NEAT1: variants seen among roughly 807,000 people sequenced by gnomAD.
NEAT1 encodes the protein nuclear paraspeckle assembly transcript 1.
Position 65,444,108 on chromosome 11 carries a change from G to A in NEAT1, n.21311G>A, listed in dbSNP as rs3741383. 151 of 225,536 alleles carry A rather than the reference G, an allele frequency of 6.7e-4. 2 individuals carry two copies. The East Asian group carries it at 0.024, about 35-fold the overall frequency. 14.0% of individuals were successfully genotyped at this position (225,536 alleles called of 1,614,324 possible). A position where few individuals can be genotyped will look rare whatever the true frequency, so the allele number is the denominator to read the frequency against. On this transcript the variant is annotated non_coding_transcript_exon_variant, in exon 1 of 1. Coordinates refer to ENST00000501122, the Ensembl canonical transcript of NEAT1. ...TGTGTTTGGAGGCTGAAGTTGAAGC[G>A]AGGCTGTGAGGGGAGATGGACGTGT...
At chr11:65,440,987 G>C (rs1304745258) in exon 1 of NEAT1, 1 of 151,830 alleles carries the variant, frequency 6.6e-6, no homozygotes, top group Non-Finnish European at 1.5e-5. Flanking sequence ...CATGAGTGTG[G>C]CTTTGAGCCC....
At chr11:65,436,247 A>G (rs1856657166) in exon 1 of NEAT1, 1 of 152,166 alleles carries the variant, frequency 6.6e-6, no homozygotes, top group African/African-American at 2.4e-5. Context: ...GAAATACCTG[A>G]GTTCCTCTGG....
exon 1 of NEAT1, chr11:65,444,074 G>A (rs866622731): frequency 3.5e-5 from 7 of 201,282 alleles, no homozygotes; most frequent in South Asian, 1.2e-4. Context: ...GTAAGTGCCC[G>A]CACCATAGTG....
chr11:65,430,801 T>C (rs1411442454), exon 1 of NEAT1: 3 of 152,170 alleles, frequency 2.0e-5, no homozygotes, highest in Non-Finnish European at 4.4e-5. Flanking sequence ...ACACTTCCTG[T>C]TGTGAGTATA....
exon 1 of NEAT1, chr11:65,444,107 C>T (rs1266373976): frequency 1.8e-5 from 4 of 225,346 alleles, no homozygotes; most frequent in Non-Finnish European, 3.6e-5. Context: ...GAAGTTGAAG[C>T]GAGGCTGTGA....
At chr11:65,427,056 C>G (rs902096374) in exon 1 of NEAT1, 4 of 152,070 alleles carry the variant, frequency 2.6e-5, no homozygotes, top group African/African-American at 7.3e-5. Context: ...GTCTGGGCTT[C>G]CCTGTGTGCG....
At chr11:65,423,732 C>T (rs1408665835) in exon 1 of NEAT1, 1 of 152,258 alleles carries the variant, frequency 6.6e-6, no homozygotes, top group African/African-American at 2.4e-5. Context: ...TCACTTAAAA[C>T]ATTACCTGGT....
exon 1 of NEAT1, chr11:65,434,422 A>G (rs572653670): frequency 6.6e-6 from 1 of 152,136 alleles, no homozygotes; most frequent in African/African-American, 2.4e-5. Context: ...TTTCTATAGA[A>G]GTGGTAAAAT....
chr11:65,425,845 A>C (rs1281512649), exon 1 of NEAT1: 1 of 152,174 alleles, frequency 6.6e-6, no homozygotes, highest in Non-Finnish European at 1.5e-5. Context: ...TAACAACCAA[A>C]TAACCTTTTG....
chr11:65,423,302 G>A (rs1856519698), exon 1 of NEAT1: 2 of 152,580 alleles, frequency 1.3e-5, no homozygotes, highest in South Asian at 2.1e-4. Flanking sequence ...CAGACCAAGG[G>A]CTGTGAACCC....
exon 1 of NEAT1, chr11:65,441,835 G>C (rs890607068): frequency 1.3e-5 from 2 of 152,112 alleles, no homozygotes; most frequent in Non-Finnish European, 2.9e-5. Context: ...TGTGTGTCTG[G>C]TTCACTTATG....
exon 1 of NEAT1, chr11:65,433,553 G>C (rs1856631535): frequency 6.6e-6 from 1 of 151,952 alleles, no homozygotes; most frequent in South Asian, 2.1e-4. Flanking sequence ...GGACAATACA[G>C]ACAGTAACTC....
chr11:65,440,104 A>T (rs1404204080), exon 1 of NEAT1: 4 of 152,130 alleles, frequency 2.6e-5, no homozygotes, highest in Admixed American at 6.5e-5. Flanking sequence ...AAAAAGAAGA[A>T]GTTTTTAAAT....
chr11:65,433,755 CAATGGCTTTTGGGGTACA>C (rs958191974), exon 1 of NEAT1: 3 of 149,732 alleles, frequency 2.0e-5, no homozygotes, highest in African/African-American at 4.9e-5. Flanking sequence ...TATTTAATTT[CAATGGCTTTTGGGGTACA>C]AATGGCTTTT....
rs571213402 is a variant in NEAT1, at chr11:65,444,893, G to A, written n.22096G>A. The A allele has an allele frequency of 9.7e-5, 22 of 226,486 alleles. No homozygotes were observed. In the East Asian group the frequency reaches 2.7e-3, roughly 28 times the overall value. The allele number at this position is 226,486 out of a possible 1,614,324, so 14.0% of individuals were successfully genotyped here. A position where few individuals can be genotyped will look rare whatever the true frequency, so the allele number is the denominator to read the frequency against. On this transcript the variant is annotated non_coding_transcript_exon_variant, in exon 1 of 1. Transcript: ENST00000501122. The stretch of plus-strand genomic sequence containing the variant: ...GAAGGCGAGGCAGGCGGGCGTCTGC[G>A]TGACCTCAGGTGCTTGGGGCCCAGC...
At chr11:65,433,193 G>A (rs1474954110) in exon 1 of NEAT1, 1 of 152,014 alleles carries the variant, frequency 6.6e-6, no homozygotes, top group Non-Finnish European at 1.5e-5. Flanking sequence ...TTTCCTTTGG[G>A]TAGATACCCA....
chr11:65,441,830 GTC>G (rs1239801899), exon 1 of NEAT1: 2 of 152,194 alleles, frequency 1.3e-5, no homozygotes, highest in Non-Finnish European at 2.9e-5. Flanking sequence ...CGCATTGTGT[GTC>G]TGGTTCACTT....
chr11:65,442,530 C>T (rs1856724214), exon 1 of NEAT1: 1 of 152,258 alleles, frequency 6.6e-6, no homozygotes, highest in African/African-American at 2.4e-5. Flanking sequence ...TGGGGGCCAC[C>T]ATGAGGATTC....
exon 1 of NEAT1, chr11:65,444,342 G>T (rs1339378871): frequency 4.6e-6 from 2 of 439,102 alleles, no homozygotes; most frequent in Non-Finnish European, 9.2e-6. Context: ...AAGTTGTGGA[G>T]AAATGGGGGG....
Sources: allele counts gnomAD v4.1 joint callset, GRCh38; gene constraint gnomAD v4.1.1; transcripts MANE v1.5; gene names NCBI Gene and HGNC (gene_info 2026-07-23, HGNC 2026-07-21).